TMEM260: variants seen among roughly 807,000 people sequenced by gnomAD.
TMEM260 encodes transmembrane protein 260.
TMEM260 carries 82 observed loss-of-function variants against 88.9 expected under a neutral mutation model. The observed-to-expected ratio is 0.92, with a 90% CI of 0.77 to 1.11. TMEM260 has a LOEUF of 1.11. TMEM260 is among the 50% of genes least tolerant of loss of function. TMEM260 has a pLI of 0.00. For missense variants in TMEM260, 902 were observed against 853.4 expected, an observed-to-expected ratio of 1.06 and a Z score of -0.71; for synonymous variants, 314 against 309.3, an observed-to-expected ratio of 1.02 and a Z score of -0.16.
At chr14:56,588,835 AGGCTGTAATATAGTTAGT>A (rs2139508567) in intron 3 of TMEM260, among the ~76,000 whole-genome samples, 1 of 152,094 alleles carries the variant, frequency 6.6e-6, no homozygotes, top group South Asian at 2.1e-4. Flanking sequence ...TGTGTTTCTA[AGGCTGTAATATAGTTAGT>A]GGTTTCTGGG....
intron 3 of TMEM260, among the ~76,000 whole-genome samples, chr14:56,596,379 A>AGTGTGT (rs1179693743): frequency 2.0e-5 from 1 of 50,108 alleles, no homozygotes; most frequent in East Asian, 1.3e-3. Flanking sequence ...TATATATGTG[A>AGTGTGT]GAGTGTGTGT....
chr14:56,585,751 T>C lies in TMEM260; in HGVS notation c.193-10T>C. 6.2e-7 allele frequency: 1 copy of C among 1,610,212 alleles called. No individual in the cohort carries two copies. Among genetic ancestry groups the C allele is most frequent in the Non-Finnish European group, 8.5e-7 (1 of 1,178,520 alleles). Reference sequence around the variant, plus strand: ...TGAAAACCTTCTAACTGTTGCTAATTTTTCCGTAGGTTGCCCATCCTCCTG... The same window carrying C: ...TGAAAACCTTCTAACTGTTGCTAATCTTTCCGTAGGTTGCCCATCCTCCTG... On this transcript the variant is annotated splice_polypyrimidine_tract_variant and intron_variant, in intron 2 of 15. Transcript: ENST00000261556.
At chr14:56,602,034 A>G (rs1886610024) in intron 3 of TMEM260, among the ~76,000 whole-genome samples, 1 of 152,168 alleles carries the variant, frequency 6.6e-6, no homozygotes, top group Non-Finnish European at 1.5e-5. Context: ...TGAAACATAG[A>G]AGTTCCTTTA....
In TMEM260 at chr14:56,640,673, G is replaced by C. The variant is rs182129936; in HGVS notation, c.1869+4075G>C. Among the ~76,000 whole-genome samples the C allele has an allele frequency of 2.0e-4, 31 of 152,278 alleles. No homozygotes were observed. The East Asian group carries it at 6.0e-3, about 29-fold the overall frequency. On this transcript the variant is annotated intron_variant, in intron 15 of 15. Coordinates refer to ENST00000261556, the MANE Select transcript of TMEM260 (RefSeq NM_017799.4). Reference sequence around the variant, plus strand: ...GACTTTGACGAGTTGAGAGAAGAAGGCTTCAGAAGATCAAACTACTCCAAG... The same window carrying C: ...GACTTTGACGAGTTGAGAGAAGAAGCCTTCAGAAGATCAAACTACTCCAAG...
intron 3 of TMEM260, chr14:56,593,054 A>G (rs967419461): frequency 7.2e-5 from 11 of 152,226 alleles, no homozygotes; most frequent in African/African-American, 2.4e-4. Flanking sequence ...TACCTTATCA[A>G]TAGCAAACCT....
chr14:56,623,839 A>C (rs1888077558), intron 11 of TMEM260, among the ~76,000 whole-genome samples: 1 of 152,234 alleles, frequency 6.6e-6, no homozygotes. Context: ...TGTCTTACAT[A>C]AGACAAGTAA....
At chr14:56,585,374 G>A (rs1212488201) in intron 2 of TMEM260, among the ~76,000 whole-genome samples, 1 of 152,100 alleles carries the variant, frequency 6.6e-6, no homozygotes, top group Admixed American at 6.5e-5. Flanking sequence ...CCTTACGACT[G>A]TCAGCATGGT....
intron 15 of TMEM260, among the ~76,000 whole-genome samples, chr14:56,645,086 T>C (rs10132873): frequency 0.37 from 53,511 of 145,754 alleles, 10,488 homozygotes; most frequent in Admixed American, 0.5. Flanking sequence ...GTCAGTGTGG[T>C]GATTCCTCAG....
intron 10 of TMEM260, among the ~76,000 whole-genome samples, chr14:56,619,756 T>A (rs1363725303): frequency 1.3e-5 from 2 of 152,202 alleles, no homozygotes; most frequent in Non-Finnish European, 2.9e-5. Flanking sequence ...ACCAATGTTC[T>A]TACCATTCAA....
At chr14:56,585,326 A>G (rs1885422169) in intron 2 of TMEM260, among the ~76,000 whole-genome samples, 3 of 152,272 alleles carry the variant, frequency 2.0e-5, no homozygotes, top group South Asian at 2.1e-4. Flanking sequence ...TTATTATTTA[A>G]TAAACTTTAT....
At chr14:56,657,373 C>A in the TMEM260 span, among the ~76,000 whole-genome samples, 1 of 152,270 alleles carries the variant, frequency 6.6e-6, no homozygotes, top group East Asian at 1.9e-4. Flanking sequence ...AACTCCTGGG[C>A]TCAAGCAATC....
chr14:56,616,070 T>G (rs372205690), intron 8 of TMEM260, 43 bp downstream of exon 8: 2 of 1,400,266 alleles, frequency 1.4e-6, no homozygotes, highest in African/African-American at 2.8e-5. Context: ...TCTATGTTCA[T>G]GAATTGAATT....
rs769665496 is a variant in TMEM260, at chr14:56,636,508, G to A, written c.1779G>A (p.Arg593=). 3 of 1,613,766 alleles carry A rather than the reference G, an allele frequency of 1.9e-6. No individual in the cohort carries two copies. The highest frequency in any genetic ancestry group is 1.1e-5 in the South Asian group (1 of 91,076). The change falls in exon 15 of 16, where the codon AGG becomes AGA. Residue 593 remains arginine (R), a splice_region_variant and synonymous_variant. Transcript: ENST00000261556. ...TGAAGGTTCCTATCCCCACCCCCAG[G>A]ATGAAAACACCGTTCTTCATCTTTA... ...SVANEEMWQA[R]MKTPFFIFNL...
At chr14:56,624,394 T>G (rs1392820691) in intron 11 of TMEM260, among the ~76,000 whole-genome samples, 1 of 152,106 alleles carries the variant, frequency 6.6e-6, no homozygotes, top group Non-Finnish European at 1.5e-5. Flanking sequence ...GCCAACATGG[T>G]GAAACCCCGT....
chr14:56,647,490 A>G lies in TMEM260; in HGVS notation c.2117A>G (p.Asn706Ser), dbSNP rs748348101. ...CTGCAAAGTCTGAGAAATAGGAAAA[A>G]TGTCTGAGACAGCAAAATATGAAAA... ...KELQSLRNRK[N>S]V Residue 706 changes from asparagine to serine, a missense_variant, in exon 16 of 16, where the codon AAT (asparagine) becomes AGT (serine). Transcript: ENST00000261556. 1 of 1,597,130 alleles carries G rather than the reference A, an allele frequency of 6.3e-7. No individual in the cohort carries two copies. The highest frequency in any genetic ancestry group is 8.5e-7 in the Non-Finnish European group (1 of 1,174,952).
chr14:56,615,165 A>G (rs1170563255), intron 7 of TMEM260, among the ~76,000 whole-genome samples: 1 of 152,228 alleles, frequency 6.6e-6, no homozygotes, highest in African/African-American at 2.4e-5. Context: ...CTTCATTAGT[A>G]AAATACACAT....
intron 15 of TMEM260, among the ~76,000 whole-genome samples, chr14:56,645,638 TATA>T (rs1889918549): frequency 6.7e-6 from 1 of 149,664 alleles, no homozygotes; most frequent in Admixed American, 6.7e-5. Flanking sequence ...AAACTTAAAG[TATA>T]ATAAAATTTT....
chr14:56,637,747 A>G (rs1420683165), intron 15 of TMEM260, among the ~76,000 whole-genome samples: 1 of 152,192 alleles, frequency 6.6e-6, no homozygotes, highest in Non-Finnish European at 1.5e-5. Context: ...TTACTCCTCA[A>G]TTGTGATCTC....
At chr14:56,583,785 GAA>G (rs1885293249) in intron 1 of TMEM260, among the ~76,000 whole-genome samples, 1 of 152,098 alleles carries the variant, frequency 6.6e-6, no homozygotes, top group Non-Finnish European at 1.5e-5. Context: ...AAATGAGTGA[GAA>G]GAGGTGCAAA....
Sources: gnomAD v4.1 joint callset for allele counts (sites outside exome capture counted in the v4.1 genomes callset) on GRCh38, gnomAD v4.1.1 for gene constraint, MANE v1.5 for transcripts, NCBI Gene and HGNC (gene_info 2026-07-23, HGNC 2026-07-21) for gene names.